EDA: variants seen among roughly 807,000 people sequenced by gnomAD.
The protein encoded by EDA is ectodysplasin-A.
EDA carries 2 observed loss-of-function variants against 23.6 expected under a neutral mutation model. That is an observed-to-expected ratio of 0.08 (90% CI 0.03 to 0.27). The LOEUF (loss-of-function observed/expected upper bound fraction) is 0.27. EDA is among the 10% of genes least tolerant of loss of function. The probability of loss-of-function intolerance (pLI) is 1.00; values close to 1 mark genes in which losing one functional copy is unlikely to be tolerated. For missense variants in EDA, 229 were observed against 324.2 expected (o/e 0.71, Z 2.26); for synonymous variants, 131 against 132.0 (o/e 0.99, Z 0.05).
chrX:69,807,063 A>G (rs1005317563), intron 1 of EDA, among the ~76,000 whole-genome samples: 1 of 111,141 alleles, frequency 9.0e-6, no homozygotes, highest in Non-Finnish European at 1.9e-5. Flanking sequence ...GAAATTTTCT[A>G]GTTATATACC....
At chrX:69,930,064 C>T (rs1011970477) in intron 1 of EDA, among the ~76,000 whole-genome samples, 3 of 111,487 alleles carry the variant, frequency 2.7e-5, no homozygotes, top group Non-Finnish European at 5.7e-5. Context: ...TTGTGATTGC[C>T]TGTTTGTCTT....
chrX:69,694,516 C>T (rs1351240298), intron 1 of EDA, among the ~76,000 whole-genome samples: 2 of 112,004 alleles, frequency 1.8e-5, no homozygotes, highest in African/African-American at 3.2e-5. Context: ...CTCTACTTGT[C>T]AGAGTCCTTT....
intron 2 of EDA, among the ~76,000 whole-genome samples, chrX:70,002,070 A>G (rs2147477955): frequency 8.9e-6 from 1 of 111,965 alleles, no homozygotes; most frequent in South Asian, 3.8e-4. Flanking sequence ...AGAACCACTA[A>G]GAAGATAAAT....
At chrX:69,723,852 A>G (rs773400916) in intron 1 of EDA, among the ~76,000 whole-genome samples, 1 of 110,889 alleles carries the variant, frequency 9.0e-6, no homozygotes, top group Admixed American at 9.6e-5. Flanking sequence ...TCTTTCACCT[A>G]TTATTTTTAG....
chrX:69,929,088 A>G (rs2018561137), intron 1 of EDA, among the ~76,000 whole-genome samples: 1 of 111,829 alleles, frequency 8.9e-6, no homozygotes, highest in Non-Finnish European at 1.9e-5. Context: ...ATTCTCAAGC[A>G]TGATATGGCA....
At chrX:69,759,372 C>T (rs756923951) in intron 1 of EDA, among the ~76,000 whole-genome samples, 4 of 111,682 alleles carry the variant, frequency 3.6e-5, no homozygotes, top group Admixed American at 2.9e-4. Context: ...AGATAAAGCA[C>T]GTATGTTTAG....
chrX:69,835,518 T>A (rs2016748976), intron 1 of EDA, among the ~76,000 whole-genome samples: 1 of 112,163 alleles, frequency 8.9e-6, no homozygotes, highest in African/African-American at 3.2e-5. Context: ...TATTGAAGCT[T>A]GTGCATGTGT....
chrX:69,699,710 C>T (rs1474240334), intron 1 of EDA, among the ~76,000 whole-genome samples: 3 of 110,257 alleles, frequency 2.7e-5, no homozygotes, highest in African/African-American at 9.9e-5. Context: ...CCATGCCATT[C>T]GCTGGTATAG....
intron 1 of EDA, chrX:69,672,680 T>C (rs1297570455): frequency 9.0e-6 from 1 of 110,553 alleles, no homozygotes; most frequent in Admixed American, 9.6e-5. Context: ...AGGAGATCGA[T>C]ACCATTTTGG....
chrX:69,920,578 C>A (rs2018415107), intron 1 of EDA, among the ~76,000 whole-genome samples: 1 of 111,101 alleles, frequency 9.0e-6, no homozygotes, highest in Non-Finnish European at 1.9e-5. Context: ...ATGTTTTTCT[C>A]ATGACTAGAA....
In EDA at chrX:69,815,171, G is replaced by A. The variant is rs780601750; in HGVS notation, c.397-141856G>A. 3.6e-5 allele frequency among the ~76,000 whole-genome samples: 4 copies of A among 112,288 alleles called. No homozygotes were observed. In the South Asian group the frequency reaches 1.5e-3, roughly 42 times the overall value. On this transcript the variant is annotated intron_variant, in intron 1 of 7. Transcript: ENST00000374552. Reference sequence around the variant, plus strand: ...GACAAGTCCAAGTTCCTGGGGGGAGGGGAAGTTGCCATCTCTGCAGTTCAG... The same window carrying A: ...GACAAGTCCAAGTTCCTGGGGGGAGAGGAAGTTGCCATCTCTGCAGTTCAG...
chrX:69,719,137 A>G (rs2012467966), intron 1 of EDA, among the ~76,000 whole-genome samples: 1 of 109,740 alleles, frequency 9.1e-6, no homozygotes, highest in South Asian at 3.8e-4. Context: ...GGATCTAGTG[A>G]TATATTCTGT....
At chrX:69,665,013 G>A (rs1297141547) in intron 1 of EDA, among the ~76,000 whole-genome samples, 1 of 112,032 alleles carries the variant, frequency 8.9e-6, no homozygotes, top group African/African-American at 3.2e-5. Context: ...TCTAGTGGGT[G>A]TGAAGTGGTA....
At chrX:69,831,037 G>A (rs2016595944) in intron 1 of EDA, among the ~76,000 whole-genome samples, 1 of 111,301 alleles carries the variant, frequency 9.0e-6, no homozygotes, top group South Asian at 3.8e-4. Context: ...TTTACCCATT[G>A]TTTCCAAACT....
At chrX:69,959,504 A>G (rs1191005398) in intron 2 of EDA, among the ~76,000 whole-genome samples, 1 of 111,838 alleles carries the variant, frequency 8.9e-6, no homozygotes, top group East Asian at 2.8e-4. Flanking sequence ...CGTATACTAT[A>G]TTTATTCAAT....
chrX:69,820,440 CAACA>C (rs2147515791), intron 1 of EDA, among the ~76,000 whole-genome samples: 1 of 111,789 alleles, frequency 8.9e-6, no homozygotes, highest in African/African-American at 3.3e-5. Flanking sequence ...ATGAAACTAC[CAACA>C]GAGTAAACAG....
chrX:69,899,365 C>T (rs2018065162), intron 1 of EDA, among the ~76,000 whole-genome samples: 2 of 111,490 alleles, frequency 1.8e-5, no homozygotes, highest in Admixed American at 9.6e-5. Context: ...ATGAACTGCC[C>T]TTAGCCGACC....
intron 1 of EDA, among the ~76,000 whole-genome samples, chrX:69,878,234 C>T (rs1316092679): frequency 8.9e-6 from 1 of 112,177 alleles, no homozygotes; most frequent in Non-Finnish European, 1.9e-5. Context: ...ATAGGCACTC[C>T]CCTCCCCGAC....
At chrX:70,024,221 G>C (rs2020079624) in intron 3 of EDA, among the ~76,000 whole-genome samples, 1 of 112,386 alleles carries the variant, frequency 8.9e-6, no homozygotes, top group South Asian at 3.7e-4. Flanking sequence ...GTCAACCCCG[G>C]ACTAGGCCAA....
Sources: gnomAD v4.1 joint callset for allele counts (sites outside exome capture counted in the v4.1 genomes callset) on GRCh38, gnomAD v4.1.1 for gene constraint, MANE v1.5 for transcripts, NCBI Gene and HGNC (gene_info 2026-07-23, HGNC 2026-07-21) for gene names.